Variants in HFM1 observed in about 807,000 individuals in gnomAD.
HFM1 encodes the protein helicase for meiosis 1.
Under a neutral mutation model 192.1 loss-of-function variants are expected in HFM1, and 169 were observed. The ratio of observed to expected loss-of-function variants is 0.88; its 90% CI spans 0.78 to 1.00. The LOEUF (loss-of-function observed/expected upper bound fraction) is 1.00, where lower values mean the gene tolerates loss of function less well. HFM1 is among the 50% of genes least tolerant of loss of function. The pLI is 0.00. For synonymous variants in HFM1, 525 were observed against 537.8 expected, an observed-to-expected ratio of 0.98 and a Z score of 0.33; for missense variants, 1,661 against 1,668.0, an observed-to-expected ratio of 1.00 and a Z score of 0.07.
chr1:91,323,824 T>C (rs1652487610), intron 21 of HFM1, among the ~76,000 whole-genome samples: 2 of 152,170 alleles, frequency 1.3e-5, no homozygotes, highest in African/African-American at 2.4e-5. Flanking sequence ...TTCTCCTTAG[T>C]TAAGAATAAT....
chr1:91,291,008 A>T (rs1412539649), intron 30 of HFM1, among the ~76,000 whole-genome samples: 2 of 152,218 alleles, frequency 1.3e-5, no homozygotes, highest in Non-Finnish European at 2.9e-5. Context: ...ACCAACGAGA[A>T]CGAAGACACA....
chr1:91,388,686 G>C (rs146740821), intron 4 of HFM1, among the ~76,000 whole-genome samples: 70 of 152,254 alleles, frequency 4.6e-4, no homozygotes, highest in African/African-American at 1.7e-3. Context: ...TCATGACCTT[G>C]GATTAGGCAA....
upstream of HFM1, among the ~76,000 whole-genome samples, chr1:91,407,131 CA>C (rs1240933690): frequency 2.6e-5 from 4 of 151,984 alleles, no homozygotes; most frequent in Admixed American, 2.6e-4. Context: ...TATCCATACC[CA>C]AAACTTTTTC....
At chr1:91,307,974 T>C (rs1022228203) in intron 30 of HFM1, among the ~76,000 whole-genome samples, 2 of 152,190 alleles carry the variant, frequency 1.3e-5, no homozygotes, top group Non-Finnish European at 2.9e-5. Flanking sequence ...GTTGAGAAGT[T>C]AGCTGTCAGT....
intron 30 of HFM1, among the ~76,000 whole-genome samples, chr1:91,309,057 C>T (rs1650051586): frequency 6.6e-6 from 1 of 152,174 alleles, no homozygotes; most frequent in Non-Finnish European, 1.5e-5. Context: ...GAAATGGAAG[C>T]TCTTTTGTGT....
rs1318107706 is a variant in HFM1, at chr1:91,401,085, T to C, written c.-3A>G. 5 of 1,529,490 alleles carry C rather than the reference T, an allele frequency of 3.3e-6. No individual in the cohort carries two copies. The highest frequency in any genetic ancestry group is 4.4e-6 in the Non-Finnish European group (5 of 1,134,438). The allele number at this position is 1,529,490 out of a possible 1,614,324, so 94.7% of individuals were successfully genotyped here. On this transcript the variant is annotated 5_prime_UTR_variant, in exon 2 of 39. Transcript: ENST00000370425. The stretch of plus-strand genomic sequence containing the variant: ...AGGCAATCATTTGATTTCAGCATTG[T>C]TGAAAACTGGACTTTGTCATAAATC...
chr1:91,278,281 T>C (rs979515984), intron 30 of HFM1, among the ~76,000 whole-genome samples: 8 of 152,068 alleles, frequency 5.3e-5, no homozygotes, highest in Non-Finnish European at 2.9e-5. Context: ...AGAATTAATA[T>C]ATCTAAATAT....
At chr1:91,298,158 T>G (rs1180054357) in intron 30 of HFM1, among the ~76,000 whole-genome samples, 1 of 152,186 alleles carries the variant, frequency 6.6e-6, no homozygotes, top group African/African-American at 2.4e-5. Context: ...CCTCAGTAGC[T>G]GATCCGATGA....
At chr1:91,363,741 T>C (rs1455143090) in intron 13 of HFM1, among the ~76,000 whole-genome samples, 1 of 152,216 alleles carries the variant, frequency 6.6e-6, no homozygotes, top group African/African-American at 2.4e-5. Context: ...AACACATATG[T>C]TCATTGCAGC....
chr1:91,358,014 A>G (rs1293498832), intron 13 of HFM1, among the ~76,000 whole-genome samples: 20 of 152,192 alleles, frequency 1.3e-4, no homozygotes. Flanking sequence ...AAATGTCCAT[A>G]CTACCCAAAG....
At chr1:91,320,593 A>G (rs974057021) in intron 23 of HFM1, among the ~76,000 whole-genome samples, 15 of 152,194 alleles carry the variant, frequency 9.9e-5, no homozygotes, top group Admixed American at 9.2e-4. Flanking sequence ...CAATACTTCT[A>G]ATAATAAATA....
chr1:91,389,656 G>A (rs995162316), intron 4 of HFM1, among the ~76,000 whole-genome samples: 3 of 152,078 alleles, frequency 2.0e-5, no homozygotes, highest in Non-Finnish European at 4.4e-5. Context: ...CTCCAGAATC[G>A]TGTAAACAAA....
intron 13 of HFM1, 36 bp from the exon 14 acceptor site, chr1:91,353,335 C>G: frequency 2.4e-6 from 3 of 1,233,302 alleles, no homozygotes; most frequent in Non-Finnish European, 3.5e-6. Context: ...TGAGTTACTC[C>G]CAGTAACATT....
intron 30 of HFM1, among the ~76,000 whole-genome samples, chr1:91,304,366 C>T (rs143738474): frequency 1.1e-4 from 16 of 152,214 alleles, no homozygotes; most frequent in African/African-American, 3.9e-4. Context: ...TCTTTGGTTA[C>T]TTGAGCTTTA....
At chr1:91,289,107 G>C (rs1321955549) in intron 30 of HFM1, among the ~76,000 whole-genome samples, 1 of 151,930 alleles carries the variant, frequency 6.6e-6, no homozygotes, top group African/African-American at 2.4e-5. Context: ...TTCCCAGATG[G>C]GGCGGCTGCC....
chr1:91,357,932 T>C (rs1657965069), intron 13 of HFM1, among the ~76,000 whole-genome samples: 2 of 152,128 alleles, frequency 1.3e-5, no homozygotes, highest in Admixed American at 1.3e-4. Flanking sequence ...CAAACAATGG[T>C]GACAGAAATC....
intron 20 of HFM1, among the ~76,000 whole-genome samples, chr1:91,329,780 C>T (rs772235994): frequency 1.3e-5 from 2 of 152,142 alleles, no homozygotes; most frequent in African/African-American, 2.4e-5. Context: ...GACAATAAGT[C>T]CATTGTTACA....
chr1:91,396,735 A>T lies in HFM1; in HGVS notation c.72-330T>A, dbSNP rs117834080. Among the ~76,000 whole-genome samples, 239 of 152,376 alleles carry T rather than the reference A, an allele frequency of 1.6e-3. 3 individuals are homozygous for T. The East Asian group carries it at 0.023, about 15-fold the overall frequency. On this transcript the variant is annotated intron_variant, in intron 2 of 38. Transcript: ENST00000370425. ...AATCATTCTCAAACTTTAGCATTTT[A>T]ACTATTACAAGTAACAAATTACTTG...
intron 26 of HFM1, 33 bp downstream of exon 26, chr1:91,316,358 T>C (rs1057209349): frequency 2.4e-6 from 3 of 1,253,140 alleles, no homozygotes; most frequent in Non-Finnish European, 3.4e-6. Context: ...CCTCAGAATT[T>C]AGATGGAATT....
Sources: allele counts gnomAD v4.1 joint callset (sites outside exome capture counted in the v4.1 genomes callset), GRCh38; gene constraint gnomAD v4.1.1; transcripts MANE v1.5; gene names NCBI Gene and HGNC (gene_info 2026-07-23, HGNC 2026-07-21).